Variants in ALX3 observed in about 807,000 individuals in gnomAD.
ALX3 encodes homeobox protein aristaless-like 3.
Under a neutral mutation model 26.3 loss-of-function variants are expected in ALX3, and 17 were observed. The observed-to-expected ratio is 0.65, with a 90% CI of 0.44 to 0.97. The LOEUF is 0.97. ALX3 is among the 50% of genes least tolerant of loss of function. The pLI is 0.00. For synonymous variants in ALX3, 208 were observed against 201.4 expected, an observed-to-expected ratio of 1.03 and a Z score of -0.28; for missense variants, 461 against 466.5, an observed-to-expected ratio of 0.99 and a Z score of 0.11.
At chr1:110,065,920 C>T (rs975063406) in intron 1 of ALX3, among the ~76,000 whole-genome samples, 16 of 152,252 alleles carry the variant, frequency 1.1e-4, no homozygotes, top group East Asian at 3.8e-4. Context: ...GGACCCCCAG[C>T]GGTGTCCCCA....
At chr1:110,066,955 C>A (rs1653806417) in intron 1 of ALX3, among the ~76,000 whole-genome samples, 1 of 152,206 alleles carries the variant, frequency 6.6e-6, no homozygotes, top group Non-Finnish European at 1.5e-5. Context: ...AGAGGCTAAG[C>A]CTGCTGACCT....
At position 110,059,896 on chromosome 1, in the gene ALX3, G is replaced by A. The variant is rs1180741251; in HGVS notation, c.*837C>T. The A allele has an allele frequency of 6.6e-6, 1 of 150,816 alleles. No individual in the cohort carries two copies. The highest frequency in any genetic ancestry group is 2.4e-5 in the African/African-American group (1 of 40,998). 9.3% of individuals were successfully genotyped at this position (150,816 alleles called of 1,614,324 possible). A position where few individuals can be genotyped will look rare whatever the true frequency, so the allele number is the denominator to read the frequency against. On this transcript the variant is annotated 3_prime_UTR_variant, in exon 4 of 4. Coordinates refer to ENST00000647563, the MANE Select transcript of ALX3 (RefSeq NM_006492.3). ...ATAAAAAACACCACCACCTTTATTA[G>A]AATGCTGGGCAGCCTTTTTTTTCTC...
At chr1:110,070,227 G>T in intron 1 of ALX3, 109 bp downstream of exon 1, 1 of 1,202,114 alleles carries the variant, frequency 8.3e-7, no homozygotes, top group Non-Finnish European at 1.0e-6. Context: ...GGGGCAAAAA[G>T]TTGAGAAATA....
Position 110,064,770 on chromosome 1 carries a change from G to A in ALX3, c.411C>T (p.Ser137=). The A allele has an allele frequency of 2.5e-6, 4 of 1,614,260 alleles. No individual in the cohort carries two copies. Among genetic ancestry groups the A allele is most frequent in the Non-Finnish European group, 3.4e-6 (4 of 1,180,052 alleles). The part of the protein sequence containing the change: ...PCLASLHLPL[S]PGLPDSMELA... ...ACTCCATGGAGTCAGGGAGTCCCGG[G>A]GAAAGAGGAAGATGCAGGCTGGCCA... is the stretch of plus-strand genomic sequence containing the variant. Residue 137 remains serine (S), a synonymous_variant, in exon 2 of 4, where the codon TCC becomes TCT. Coordinates refer to ENST00000647563, the MANE Select transcript of ALX3 (RefSeq NM_006492.3).
chr1:110,070,489 G>A lies in ALX3; in HGVS notation c.124C>T (p.Pro42Ser). 1 of 1,262,652 alleles carries A rather than the reference G, an allele frequency of 7.9e-7. No individual in the cohort carries two copies. 78.2% of individuals were successfully genotyped at this position (1,262,652 alleles called of 1,614,324 possible). A position where few individuals can be genotyped will look rare whatever the true frequency, so the allele number is the denominator to read the frequency against. The change falls in exon 1 of 4, where the codon CCG (proline) becomes TCG (serine). Residue 42 changes from proline to serine, a missense_variant. By Grantham distance (74) the Pro-to-Ser change is moderately conservative. This residue lies in a region of ALX3 where 241 missense variants were observed against 206.1 expected (regional missense o/e 1.17). Coordinates refer to ENST00000647563, the MANE Select transcript of ALX3 (RefSeq NM_006492.3). The part of the protein sequence containing the change: ...PAAAPHLHPA[P>S]PRGPRLTRFP... ...CGGGTCAGCCGCGGGCCGCGGGGCG[G>A]CGCGGGGTGCAGGTGAGGCGCAGCG... is the stretch of plus-strand genomic sequence containing the variant.
intron 1 of ALX3, among the ~76,000 whole-genome samples, chr1:110,068,719 C>A (rs1023439902): frequency 2.0e-5 from 3 of 152,090 alleles, no homozygotes; most frequent in Admixed American, 2.0e-4. Context: ...CATTTTAGTT[C>A]ATCCCAGCTC....
intron 3 of ALX3, 139 bp from the exon 4 acceptor site, chr1:110,061,180 C>G: frequency 9.2e-7 from 1 of 1,086,238 alleles, no homozygotes; most frequent in Non-Finnish European, 1.3e-6. Flanking sequence ...CCCCCTCTCA[C>G]CCCCAACACT....
At chr1:110,061,091 A>G (rs1270194423) in intron 3 of ALX3, 50 bp from the exon 4 acceptor site, 1 of 1,556,854 alleles carries the variant, frequency 6.4e-7, no homozygotes, top group Admixed American at 1.9e-5. Context: ...TCAGGAGCTG[A>G]CTTCCCTACC....
intron 2 of ALX3, among the ~76,000 whole-genome samples, chr1:110,062,875 T>C (rs866071630): frequency 6.6e-6 from 1 of 152,172 alleles, no homozygotes; most frequent in African/African-American, 2.4e-5. Context: ...TGACAGAGGA[T>C]GAGGGAGCTT....
chr1:110,060,934 G>A lies in ALX3; in HGVS notation c.831C>T (p.Pro277=), dbSNP rs142284688. Residue 277 remains proline, a synonymous_variant, in exon 4 of 4, where the codon CCC becomes CCT. Transcript: ENST00000647563. ...PSPCMSPYSH[P]HGSVAGFMGV... is the part of the protein sequence containing the mutation. ...CCATGAAGCCAGCCACACTCCCATG[G>A]GGGTGGGAATATGGAGACATGCATG... 5.8e-5 allele frequency: 94 copies of A among 1,613,226 alleles called. No individual in the cohort carries two copies. Among genetic ancestry groups the A allele is most frequent in the Non-Finnish European group, 1.6e-5 (19 of 1,179,820 alleles).
intron 1 of ALX3, among the ~76,000 whole-genome samples, chr1:110,069,470 C>G (rs1018777456): frequency 1.3e-5 from 2 of 152,310 alleles, no homozygotes; most frequent in East Asian, 1.9e-4. Flanking sequence ...GCAGAGCTGC[C>G]GATCAGCCTG....
chr1:110,063,407 C>A (rs779929760), intron 2 of ALX3, among the ~76,000 whole-genome samples: 1 of 152,146 alleles, frequency 6.6e-6, no homozygotes, highest in Non-Finnish European at 1.5e-5. Context: ...GGCAGGAGAA[C>A]GCAGCAGAGA....
chr1:110,069,982 G>A (rs1204997832), intron 1 of ALX3, among the ~76,000 whole-genome samples: 1 of 152,194 alleles, frequency 6.6e-6, no homozygotes, highest in Non-Finnish European at 1.5e-5. Flanking sequence ...TGGGCTTCAG[G>A]GTAGGTGGCA....
At chr1:110,061,412 TTC>T (rs761076201) in intron 3 of ALX3, 21 bp downstream of exon 3, 1 of 1,614,228 alleles carries the variant, frequency 6.2e-7, no homozygotes, top group Non-Finnish European at 8.5e-7. Context: ...CAGGTCCTGG[TTC>T]AGGTAGGGCT....
chr1:110,065,790 C>G (rs568230707), intron 1 of ALX3, among the ~76,000 whole-genome samples: 2 of 152,374 alleles, frequency 1.3e-5, no homozygotes, highest in South Asian at 4.1e-4. Context: ...CCAGCAGCCC[C>G]ACTCTGACAT....
Position 110,070,549 on chromosome 1 carries a change from C to A in ALX3, c.64G>T (p.Gly22Trp). 1.5e-6 allele frequency: 2 copies of A among 1,306,864 alleles called. No homozygotes were observed. The highest frequency in any genetic ancestry group is 4.2e-5 in the South Asian group (2 of 47,696). 81.0% of individuals were successfully genotyped at this position (1,306,864 alleles called of 1,614,324 possible). Residue 22 changes from glycine to tryptophan, a missense_variant, in exon 1 of 4, where the codon GGG (glycine) becomes TGG (tryptophan). Gly to Trp is a radical substitution (Grantham distance 184). This residue lies in a region of ALX3 where 241 missense variants were observed against 206.1 expected (regional missense o/e 1.17). Transcript: ENST00000647563. ...CCCTGCGGGCCCGGAGGCTCGTCCC[C>A]CGAGGCCACATAGGGGCCGGGTGCA... ...GPAPGPYVASGDEPPGPQGTP... is the reference protein window; with the variant it reads ...GPAPGPYVASWDEPPGPQGTP...
At chr1:110,064,334 C>T (rs1653725832) in intron 2 of ALX3, among the ~76,000 whole-genome samples, 1 of 152,216 alleles carries the variant, frequency 6.6e-6, no homozygotes, top group Admixed American at 6.5e-5. Context: ...CTTTAGGACT[C>T]CCACACAGGT....
intron 3 of ALX3, 67 bp from the exon 4 acceptor site, chr1:110,061,108 C>T (rs574658420): frequency 6.5e-7 from 1 of 1,531,814 alleles, no homozygotes; most frequent in Non-Finnish European, 8.8e-7. Context: ...TACCCAGGGG[C>T]TTTCTCTTTG....
At chr1:110,067,708 G>A (rs560372953) in intron 1 of ALX3, among the ~76,000 whole-genome samples, 1 of 152,314 alleles carries the variant, frequency 6.6e-6, no homozygotes, top group Admixed American at 6.5e-5. Flanking sequence ...TGTTTCCTCC[G>A]GCCACTGTGG....
Sources: gnomAD v4.1 joint callset for allele counts (sites outside exome capture counted in the v4.1 genomes callset) on GRCh38, gnomAD v4.1.1 for gene constraint, gnomAD v4.1.1 regional missense constraint, MANE v1.5 for transcripts, NCBI Gene and HGNC (gene_info 2026-07-23, HGNC 2026-07-21) for gene names.